Variants in ESYT2 observed in about 807,000 individuals in gnomAD.
ESYT2 encodes the protein extended synaptotagmin 2.
ESYT2 carries 54 observed loss-of-function variants against 107.2 expected under a neutral mutation model. The observed-to-expected ratio is 0.50, with a 90% CI of 0.40 to 0.63. The LOEUF (loss-of-function observed/expected upper bound fraction) is 0.63. ESYT2 is among the 30% of genes least tolerant of loss of function. The probability of loss-of-function intolerance (pLI) is 0.00; values close to 1 mark genes in which losing one functional copy is unlikely to be tolerated. For synonymous variants in ESYT2, 491 were observed against 434.1 expected (o/e 1.13, Z -1.63); for missense variants, 1,020 against 1,094.5 (o/e 0.93, Z 0.96).
chr7:158,784,242 C>G (rs1441330297), intron 6 of ESYT2, among the ~76,000 whole-genome samples: 2 of 152,246 alleles, frequency 1.3e-5, no homozygotes, highest in Non-Finnish European at 2.9e-5. Context: ...CAAAAACTCC[C>G]AGTTACTAAC....
intron 1 of ESYT2, among the ~76,000 whole-genome samples, chr7:158,825,369 C>T (rs1490962969): frequency 1.3e-5 from 2 of 152,296 alleles, no homozygotes; most frequent in East Asian, 3.9e-4. Flanking sequence ...TGGTCCAGGG[C>T]CCATTACCAC....
At chr7:158,742,423 C>A (rs3750053) in intron 17 of ESYT2, among the ~76,000 whole-genome samples, 1 of 152,234 alleles carries the variant, frequency 6.6e-6, no homozygotes, top group Non-Finnish European at 1.5e-5. Context: ...TCTTCCGTTT[C>A]CATGTATTTC....
intron 6 of ESYT2, among the ~76,000 whole-genome samples, chr7:158,773,958 C>T (rs1838463050): frequency 6.6e-6 from 1 of 152,186 alleles, no homozygotes. Context: ...CATTGTTTTA[C>T]TTTGTATTTT....
At chr7:158,801,813 C>T (rs765398584) in intron 1 of ESYT2, among the ~76,000 whole-genome samples, 3 of 130,114 alleles carry the variant, frequency 2.3e-5, no homozygotes, top group South Asian at 2.7e-4. Flanking sequence ...AGAACAAAGG[C>T]GTATTTTAGA....
In ESYT2 at chr7:158,763,164, G is replaced by A. The variant is rs530697817; in HGVS notation, c.1103C>T (p.Ala368Val). The A allele has an allele frequency of 3.7e-6, 6 of 1,611,214 alleles. No homozygotes were observed. Among genetic ancestry groups the A allele is most frequent in the Admixed American group, 1.7e-5 (1 of 59,946 alleles). Reference protein sequence around the residue: ...LSPKWNEVYEALVYEHPGQEL... With the variant: ...LSPKWNEVYEVLVYEHPGQEL... ...TTGTCCAGGATGTTCATACACTAAA[G>A]CCTAAAACATCAATGGTTAGTAGTT... The change falls in exon 10 of 23, where the codon GCT (alanine) becomes GTT (valine). Residue 368 changes from alanine to valine, a missense_variant and splice_region_variant. Ala to Val is a moderately conservative substitution (Grantham distance 64, BLOSUM62 0). Transcript: ENST00000275418.
chr7:158,762,212 G>GC (rs1837994442), intron 10 of ESYT2, among the ~76,000 whole-genome samples: 1 of 151,742 alleles, frequency 6.6e-6, no homozygotes, highest in South Asian at 2.1e-4. Context: ...AGCCTCTTCT[G>GC]CCCCCCACAA....
In ESYT2 at chr7:158,733,890, T is replaced by A. The variant is rs1002864961; in HGVS notation, c.*317A>T. ...TGGCATAGTATACCTCAGTGATATA[T>A]AAACAAGGCCATAATAAAGCACAGA... On this transcript the variant is annotated 3_prime_UTR_variant, in exon 23 of 23. Transcript: ENST00000275418. 3.2e-6 allele frequency: 1 copy of A among 310,724 alleles called. No homozygotes were observed. The highest frequency in any genetic ancestry group is 2.1e-5 in the African/African-American group (1 of 46,542). The allele number at this position is 310,724 out of a possible 1,614,324, so 19.2% of individuals were successfully genotyped here.
intron 6 of ESYT2, among the ~76,000 whole-genome samples, chr7:158,784,616 C>A (rs1049298793): frequency 6.6e-6 from 1 of 152,220 alleles, no homozygotes; most frequent in African/African-American, 2.4e-5. Flanking sequence ...TTCCTGGTTC[C>A]GTTCTGTTCC....
intron 1 of ESYT2, among the ~76,000 whole-genome samples, chr7:158,817,764 G>GTT (rs1227637668): frequency 6.6e-6 from 1 of 152,178 alleles, no homozygotes; most frequent in Admixed American, 6.5e-5. Flanking sequence ...GATACTTTTG[G>GTT]TTTACAGATT....
chr7:158,807,429 G>A (rs964081549), intron 1 of ESYT2, among the ~76,000 whole-genome samples: 12 of 151,964 alleles, frequency 7.9e-5, no homozygotes, highest in Non-Finnish European at 1.3e-4. Flanking sequence ...GGAAATTATC[G>A]CGACTTATGA....
intron 16 of ESYT2, 79 bp from the exon 17 acceptor site, chr7:158,743,757 C>T: frequency 6.9e-7 from 1 of 1,455,396 alleles, no homozygotes; most frequent in Non-Finnish European, 9.1e-7. Context: ...ACGCTCCTGA[C>T]CCTTTGTCCT....
intron 1 of ESYT2, among the ~76,000 whole-genome samples, chr7:158,822,359 C>T (rs1274959592): frequency 6.6e-6 from 1 of 152,164 alleles, no homozygotes; most frequent in African/African-American, 2.4e-5. Context: ...TGGAATAACT[C>T]ACGGAAAAAC....
intron 1 of ESYT2, among the ~76,000 whole-genome samples, chr7:158,815,999 G>T (rs1459191673): frequency 6.6e-6 from 1 of 152,162 alleles, no homozygotes; most frequent in Non-Finnish European, 1.5e-5. Context: ...AGATGGTCAC[G>T]TCCTAATCCC....
intron 1 of ESYT2, among the ~76,000 whole-genome samples, chr7:158,804,455 G>GACAAACCCAAAC (rs1839757033): frequency 3.4e-5 from 5 of 144,952 alleles, no homozygotes; most frequent in Admixed American, 2.8e-4. Context: ...AAGGTGAGGT[G>GACAAACCCAAAC]TGTGACAAAC....
At chr7:158,779,004 CAT>C (rs1222472544) in intron 6 of ESYT2, among the ~76,000 whole-genome samples, 1 of 152,110 alleles carries the variant, frequency 6.6e-6, no homozygotes, top group Non-Finnish European at 1.5e-5. Context: ...AGGGCACTGA[CAT>C]AATGTTTTGC....
At chr7:158,825,184 T>C (rs1456344690) in intron 1 of ESYT2, among the ~76,000 whole-genome samples, 1 of 152,106 alleles carries the variant, frequency 6.6e-6, no homozygotes, top group Non-Finnish European at 1.5e-5. Flanking sequence ...TCCCAGCTAC[T>C]TGGGAGGCTG....
At chr7:158,814,132 G>A (rs1840069190) in intron 1 of ESYT2, among the ~76,000 whole-genome samples, 2 of 151,816 alleles carry the variant, frequency 1.3e-5, no homozygotes, top group Admixed American at 6.5e-5. Context: ...AAATTAGTCG[G>A]GCGTGGTGGT....
At chr7:158,805,076 C>T (rs1019140878) in intron 1 of ESYT2, among the ~76,000 whole-genome samples, 6 of 152,240 alleles carry the variant, frequency 3.9e-5, no homozygotes, top group Admixed American at 1.3e-4. Context: ...TGACGGAGCA[C>T]TTGTTAGCTC....
rs1311554474 is a variant in ESYT2 at position 158,804,309 on chromosome 7, TGAGGCGCGCGACAAACCCAAACCGCC to T, written c.331-5263_331-5238del. Among the ~76,000 whole-genome samples the T allele has an allele frequency of 8.6e-5, 10 of 115,620 alleles. 1 individual carries two copies. The East Asian group carries it at 2.9e-3, about 34-fold the overall frequency. 75.9% of individuals were successfully genotyped at this position (115,620 alleles called of 152,430 possible). On this transcript the variant is annotated intron_variant, in intron 1 of 22. Coordinates refer to ENST00000275418, the MANE Select transcript of ESYT2 (RefSeq NM_001367773.1). The stretch of plus-strand genomic sequence containing the variant: ...GACAAACCCAAACCGTCGAGAAGGG[TGAGGCGCGCGACAAACCCAAACCGCC>T]GAGAAGGGTGAGGCGCGTGACAAAC...
Sources: allele counts gnomAD v4.1 joint callset (sites outside exome capture counted in the v4.1 genomes callset), GRCh38; gene constraint gnomAD v4.1.1; transcripts MANE v1.5; gene names NCBI Gene and HGNC (gene_info 2026-07-23, HGNC 2026-07-21).